The following TRPM3 variants were observed in gnomAD, a reference collection of about 807,000 sequenced individuals.
TRPM3 encodes transient receptor potential cation channel subfamily M member 3, also known as long transient receptor potential channel 3.
TRPM3 carries 77 observed loss-of-function variants against 181.2 expected under a neutral mutation model. The observed-to-expected ratio is 0.42, with a 90% CI of 0.35 to 0.51. The LOEUF is 0.51. TRPM3 is among the 20% of genes least tolerant of loss of function. TRPM3 has a pLI of 0.01. For synonymous variants in TRPM3, 745 were observed against 796.4 expected, an observed-to-expected ratio of 0.94 and a Z score of 1.09; for missense variants, 1,759 against 2,196.7, an observed-to-expected ratio of 0.80 and a Z score of 3.98.
intron 1 of TRPM3, among the ~76,000 whole-genome samples, chr9:70,992,583 C>G (rs2097498986): frequency 6.6e-6 from 1 of 152,228 alleles, no homozygotes; most frequent in Non-Finnish European, 1.5e-5. Flanking sequence ...AATATCTGCA[C>G]TGTACAATAC....
At chr9:71,270,832 T>C (rs989953682) in intron 1 of TRPM3, among the ~76,000 whole-genome samples, 8 of 152,342 alleles carry the variant, frequency 5.3e-5, no homozygotes, top group Admixed American at 2.0e-4. Context: ...TTCAGATCAT[T>C]TGTTTTGGGG....
intron 1 of TRPM3, among the ~76,000 whole-genome samples, chr9:71,133,353 G>GGTGCAGTA (rs2134473433): frequency 8.0e-6 from 1 of 125,122 alleles, no homozygotes; most frequent in East Asian, 2.6e-4. Context: ...GGAGTGCAGT[G>GGTGCAGTA]GCACCATCTC....
intron 1 of TRPM3, among the ~76,000 whole-genome samples, chr9:71,355,668 A>C (rs1375598183): frequency 6.6e-6 from 1 of 152,188 alleles, no homozygotes; most frequent in Admixed American, 6.5e-5. Flanking sequence ...ACAAGGTAAA[A>C]GGAAGTACAT....
intron 1 of TRPM3, among the ~76,000 whole-genome samples, chr9:71,198,136 C>G (rs1013052603): frequency 6.6e-6 from 1 of 150,850 alleles, no homozygotes; most frequent in Non-Finnish European, 1.5e-5. Context: ...GGAATCCTTT[C>G]CCCATTGCTT....
intron 5 of TRPM3, among the ~76,000 whole-genome samples, chr9:70,836,144 T>G (rs535281699): frequency 6.6e-6 from 1 of 152,176 alleles, no homozygotes; most frequent in Non-Finnish European, 1.5e-5. Context: ...ATCTTCCACA[T>G]GTGTACTCTC....
chr9:70,695,589 G>A (rs1310975193), intron 8 of TRPM3, among the ~76,000 whole-genome samples: 1 of 152,186 alleles, frequency 6.6e-6, no homozygotes, highest in Admixed American at 6.5e-5. Context: ...ATTACGCCTT[G>A]CCTGGGTTAG....
intron 8 of TRPM3, among the ~76,000 whole-genome samples, chr9:70,749,626 G>A (rs1309155239): frequency 6.6e-6 from 1 of 152,128 alleles, no homozygotes; most frequent in East Asian, 1.9e-4. Context: ...TAGTAATAAA[G>A]TCAGAAAACT....
chr9:71,356,788 C>T (rs1270472723), intron 1 of TRPM3, among the ~76,000 whole-genome samples: 2 of 152,024 alleles, frequency 1.3e-5, no homozygotes, highest in Non-Finnish European at 2.9e-5. Context: ...ATCTTACTCC[C>T]TTGTGTATTC....
chr9:71,343,140 C>T (rs1250432456), intron 1 of TRPM3, among the ~76,000 whole-genome samples: 1 of 151,860 alleles, frequency 6.6e-6, no homozygotes, highest in Non-Finnish European at 1.5e-5. Flanking sequence ...AGGGAATGGA[C>T]CCATACTTCC....
intron 1 of TRPM3, among the ~76,000 whole-genome samples, chr9:71,048,184 A>G (rs540591725): frequency 6.6e-6 from 1 of 152,356 alleles, no homozygotes; most frequent in African/African-American, 2.4e-5. Flanking sequence ...TATTAAAGGA[A>G]GAAGAGTATA....
chr9:71,304,056 G>A (rs966434556), intron 1 of TRPM3, among the ~76,000 whole-genome samples: 3 of 151,922 alleles, frequency 2.0e-5, no homozygotes, highest in Non-Finnish European at 4.4e-5. Context: ...ACTCACACAC[G>A]CTTATGAACA....
At chr9:71,041,273 A>T (rs1426706903) in intron 1 of TRPM3, among the ~76,000 whole-genome samples, 2 of 152,154 alleles carry the variant, frequency 1.3e-5, no homozygotes, top group Non-Finnish European at 2.9e-5. Context: ...AAACATGAAA[A>T]AATTTGGTGA....
chr9:70,889,937 T>C (rs1205883380), intron 1 of TRPM3, among the ~76,000 whole-genome samples: 1 of 148,470 alleles, frequency 6.7e-6, no homozygotes. Context: ...GTAGTATATA[T>C]GCTATATACT....
chr9:71,088,666 C>T (rs964765734), intron 1 of TRPM3, among the ~76,000 whole-genome samples: 16 of 151,956 alleles, frequency 1.1e-4, no homozygotes, highest in East Asian at 1.9e-4. Flanking sequence ...ATTTCAAAAG[C>T]GTAATGAGGT....
intron 1 of TRPM3, among the ~76,000 whole-genome samples, chr9:71,026,707 T>TGACACC (rs2056567837): frequency 6.6e-6 from 1 of 152,156 alleles, no homozygotes. Context: ...GTGCTGACGC[T>TGACACC]GACACCGGTG....
At chr9:71,189,277 C>T (rs1350613434) in intron 1 of TRPM3, among the ~76,000 whole-genome samples, 1 of 151,876 alleles carries the variant, frequency 6.6e-6, no homozygotes, top group Admixed American at 6.6e-5. Flanking sequence ...GTAGAGCTTT[C>T]CCTTGCTTAA....
intron 1 of TRPM3, among the ~76,000 whole-genome samples, chr9:70,955,755 C>A (rs2097061591): frequency 6.6e-6 from 1 of 152,088 alleles, no homozygotes; most frequent in Admixed American, 6.6e-5. Context: ...CAGTATAAGC[C>A]CCATGAACTC....
chr9:70,975,409 T>C (rs2097293060), intron 1 of TRPM3, among the ~76,000 whole-genome samples: 1 of 152,240 alleles, frequency 6.6e-6, no homozygotes, highest in Non-Finnish European at 1.5e-5. Context: ...GACCTCCATG[T>C]GACTCTTGAA....
intron 1 of TRPM3, among the ~76,000 whole-genome samples, chr9:71,446,311 G>C (rs918500520): frequency 1.3e-5 from 2 of 152,246 alleles, no homozygotes; most frequent in East Asian, 3.9e-4. Flanking sequence ...CAGACCCTTG[G>C]GAACGTACAC....
Sources: gnomAD v4.1 joint callset for allele counts (sites outside exome capture counted in the v4.1 genomes callset) on GRCh38, gnomAD v4.1.1 for gene constraint, MANE v1.5 for transcripts, NCBI Gene and HGNC (gene_info 2026-07-23, HGNC 2026-07-21) for gene names.